PTPRK: variants seen among roughly 807,000 people sequenced by gnomAD.
PTPRK encodes the protein protein tyrosine phosphatase receptor type K.
Under a neutral mutation model 178.0 loss-of-function variants are expected in PTPRK, and 75 were observed. The observed-to-expected ratio is 0.42, with a 90% confidence interval of 0.35 to 0.51. PTPRK has a LOEUF of 0.51. Ranked by LOEUF, PTPRK falls within the 20% of genes least tolerant of loss-of-function variation. The pLI is 0.02. For synonymous variants in PTPRK, 637 were observed against 620.6 expected, an observed-to-expected ratio of 1.03 and a Z score of -0.39; for missense variants, 1,441 against 1,797.8, an observed-to-expected ratio of 0.80 and a Z score of 3.59.
chr6:128,264,417 C>T (rs983859894), intron 3 of PTPRK, among the ~76,000 whole-genome samples: 4 of 152,126 alleles, frequency 2.6e-5, no homozygotes, highest in African/African-American at 7.2e-5. Flanking sequence ...GCTTTAAATA[C>T]ATAAGTCGTC....
At chr6:128,055,048 A>G (rs1779666035) in intron 13 of PTPRK, among the ~76,000 whole-genome samples, 1 of 152,222 alleles carries the variant, frequency 6.6e-6, no homozygotes, top group Admixed American at 6.5e-5. Context: ...TAAACATAAG[A>G]GAGTTAAAAA....
Position 128,184,736 on chromosome 6 carries a change from T to A in PTPRK, c.869-11A>T. ...TGGGTCTTGGCGGTTCTAGGAGAGA[T>A]GAGTGTGCACTTCAATTAGTAAGAT... On this transcript the variant is annotated splice_polypyrimidine_tract_variant and intron_variant, in intron 6 of 29. Coordinates refer to ENST00000368226, the MANE Select transcript of PTPRK (RefSeq NM_002844.4). 1 of 1,609,924 alleles carries A rather than the reference T, an allele frequency of 6.2e-7. No homozygotes were observed. Among genetic ancestry groups the A allele is most frequent in the South Asian group, 1.1e-5 (1 of 90,960 alleles).
intron 1 of PTPRK, among the ~76,000 whole-genome samples, chr6:128,482,668 G>C (rs114161023): frequency 6.6e-6 from 1 of 152,074 alleles, no homozygotes; most frequent in African/African-American, 2.4e-5. Flanking sequence ...TCAGTTCGTC[G>C]GTCAGTGAAC....
chr6:127,970,412 G>C (rs1773773158), intron 29 of PTPRK, 132 bp from the exon 30 acceptor site: 5 of 565,408 alleles, frequency 8.8e-6, no homozygotes, highest in Non-Finnish European at 1.5e-5. Context: ...CTATATATGA[G>C]ATTAATATCT....
At chr6:127,979,061 C>G (rs1303524254) in intron 25 of PTPRK, among the ~76,000 whole-genome samples, 2 of 151,764 alleles carry the variant, frequency 1.3e-5, no homozygotes, top group Non-Finnish European at 2.9e-5. Flanking sequence ...AACTTTCATA[C>G]AGAAAAAAAG....
chr6:128,087,219 C>T (rs1377841244), intron 8 of PTPRK, among the ~76,000 whole-genome samples: 6 of 151,998 alleles, frequency 3.9e-5, no homozygotes, highest in Non-Finnish European at 7.4e-5. Flanking sequence ...ACTAACAAAC[C>T]ATATCCAAAA....
At chr6:128,262,295 T>C (rs992128759) in intron 3 of PTPRK, among the ~76,000 whole-genome samples, 2 of 152,280 alleles carry the variant, frequency 1.3e-5, no homozygotes, top group Non-Finnish European at 2.9e-5. Context: ...AATAAGTTCA[T>C]AGAAGCAAAA....
chr6:128,113,750 T>A (rs1430129121), intron 7 of PTPRK, among the ~76,000 whole-genome samples: 1 of 152,094 alleles, frequency 6.6e-6, no homozygotes, highest in Non-Finnish European at 1.5e-5. Flanking sequence ...CAAGATCATT[T>A]TCAAATCCCA....
intron 7 of PTPRK, among the ~76,000 whole-genome samples, chr6:128,116,197 A>G (rs1185673612): frequency 6.6e-6 from 1 of 152,134 alleles, no homozygotes; most frequent in African/African-American, 2.4e-5. Flanking sequence ...ATTAAGGTTA[A>G]CAGGGACACA....
At chr6:128,181,727 A>G (rs971836748) in intron 7 of PTPRK, among the ~76,000 whole-genome samples, 1 of 152,078 alleles carries the variant, frequency 6.6e-6, no homozygotes, top group African/African-American at 2.4e-5. Flanking sequence ...CAGTAGTGGT[A>G]TTGGTAATTT....
At chr6:128,122,433 T>C (rs568517401) in intron 7 of PTPRK, among the ~76,000 whole-genome samples, 2 of 152,288 alleles carry the variant, frequency 1.3e-5, no homozygotes, top group African/African-American at 4.8e-5. Context: ...TTGAGTTCTA[T>C]CACAAGAACC....
At position 128,106,746 on chromosome 6, in the gene PTPRK, T is replaced by C. The variant is rs1354949200; in HGVS notation, c.1163-16754A>G. Among the ~76,000 whole-genome samples the C allele has an allele frequency of 2.0e-5, 3 of 152,182 alleles. No homozygotes were observed. In the East Asian group the frequency reaches 5.8e-4, roughly 29 times the overall value. On this transcript the variant is annotated intron_variant, in intron 7 of 29. Coordinates refer to ENST00000368226, the MANE Select transcript of PTPRK (RefSeq NM_002844.4). Reference sequence around the variant, plus strand: ...AATATTTCAATAATTCTTTTGAATGTAAAACTATGGGGAGAATTGTTTAAA... The same window carrying C: ...AATATTTCAATAATTCTTTTGAATGCAAAACTATGGGGAGAATTGTTTAAA...
chr6:128,227,648 A>T (rs1811585128), intron 5 of PTPRK, among the ~76,000 whole-genome samples: 1 of 152,204 alleles, frequency 6.6e-6, no homozygotes, highest in African/African-American at 2.4e-5. Flanking sequence ...ATTTTGTAAG[A>T]TTAAAAGAAA....
At chr6:128,130,245 T>C (rs1217659983) in intron 7 of PTPRK, among the ~76,000 whole-genome samples, 5 of 152,188 alleles carry the variant, frequency 3.3e-5, no homozygotes, top group Admixed American at 1.3e-4. Flanking sequence ...AGCTAGAATA[T>C]CAAATCTATT....
At chr6:128,493,374 A>C (rs1316161375) in intron 1 of PTPRK, among the ~76,000 whole-genome samples, 1 of 152,084 alleles carries the variant, frequency 6.6e-6, no homozygotes, top group Non-Finnish European at 1.5e-5. Context: ...CATCCTGGCT[A>C]ACACAGTGAA....
At position 128,104,547 on chromosome 6, in the gene PTPRK, T is replaced by G. The variant is rs923082596; in HGVS notation, c.1163-14555A>C. On this transcript the variant is annotated intron_variant, in intron 7 of 29. Transcript: ENST00000368226. The stretch of plus-strand genomic sequence containing the variant: ...TATATTCTGTCTTTCCATACTAAAA[T>G]ACTTGGTACGTAATCATTGCTCAAT... Among the ~76,000 whole-genome samples, 5 of 152,192 alleles carry G rather than the reference T, an allele frequency of 3.3e-5. No individual in the cohort carries two copies. The East Asian group carries it at 9.6e-4, about 29-fold the overall frequency.
At chr6:128,342,779 AT>A (rs887612724) in intron 2 of PTPRK, among the ~76,000 whole-genome samples, 6 of 151,790 alleles carry the variant, frequency 4.0e-5, no homozygotes, top group Non-Finnish European at 5.9e-5. Context: ...ATATCTACAA[AT>A]TTTTTTTTCT....
rs1218381070 is a variant in PTPRK at position 128,155,312 on chromosome 6, A to G, written c.1162+29120T>C. On this transcript the variant is annotated intron_variant, in intron 7 of 29. Coordinates refer to ENST00000368226, the MANE Select transcript of PTPRK (RefSeq NM_002844.4). ...ATTTTTTGGAATATTAACAGCCATT[A>G]AAATCATCACCTAAATCCATTTTAT... Among the ~76,000 whole-genome samples the G allele has an allele frequency of 4.6e-5, 7 of 151,294 alleles. No individual in the cohort carries two copies. In the East Asian group the frequency reaches 1.2e-3, roughly 25 times the overall value.
chr6:128,465,778 G>A (rs1293097859), intron 1 of PTPRK, among the ~76,000 whole-genome samples: 1 of 152,020 alleles, frequency 6.6e-6, no homozygotes, highest in Non-Finnish European at 1.5e-5. Flanking sequence ...GGTACCTGGG[G>A]CCCTGTATCA....
Sources: gnomAD v4.1 joint callset for allele counts (sites outside exome capture counted in the v4.1 genomes callset) on GRCh38, gnomAD v4.1.1 for gene constraint, MANE v1.5 for transcripts, NCBI Gene and HGNC (gene_info 2026-07-23, HGNC 2026-07-21) for gene names.